Variants in DYRK1A observed in about 807,000 individuals in gnomAD.
The protein encoded by DYRK1A is dual specificity tyrosine phosphorylation regulated kinase 1A, also known as dual specificity tyrosine-phosphorylation-regulated kinase 1A.
In DYRK1A, 9 loss-of-function variants were observed where a neutral mutation model predicts 79.7. The observed-to-expected ratio is 0.11, with a 90% CI of 0.07 to 0.20. DYRK1A has a LOEUF of 0.20. DYRK1A is among the 10% of genes least tolerant of loss of function. The pLI is 1.00. For missense variants in DYRK1A, 622 were observed against 956.0 expected, an observed-to-expected ratio of 0.65 and a Z score of 4.61; for synonymous variants, 349 against 329.7, an observed-to-expected ratio of 1.06 and a Z score of -0.63.
intron 2 of DYRK1A, chr21:37,456,020 T>G (rs2835753): frequency 0.88 from 134,475 of 152,224 alleles, 59,650 homozygotes; most frequent in East Asian, 1. Context: ...CTTTTATCTG[T>G]CACCCTCTTA....
At chr21:37,427,148 T>C (rs1029617178) in intron 2 of DYRK1A, among the ~76,000 whole-genome samples, 8 of 152,232 alleles carry the variant, frequency 5.3e-5, no homozygotes, top group Non-Finnish European at 1.0e-4. Flanking sequence ...CTTGCTGTGT[T>C]GCCTAAGCTG....
In DYRK1A at chr21:37,512,433, A is replaced by G. The variant is rs929033742; in HGVS notation, c.2167A>G (p.Met723Val). ...FSANTGPAHYMTEGHLTMRQG... is the reference protein window; with the variant it reads ...FSANTGPAHYVTEGHLTMRQG... ...TGCTAATACAGGTCCTGCACATTAC[A>G]TGACTGAAGGACATCTGACAATGAG... Residue 723 changes from methionine (M) to valine (V), a missense_variant, in exon 12 of 12, where the codon ATG becomes GTG. Physicochemically the swap from Met to Val is conservative, Grantham distance 21. This residue lies in a region of DYRK1A where 292 missense variants were observed against 316.7 expected (regional missense o/e 0.92). Coordinates refer to ENST00000647188, the MANE Select transcript of DYRK1A (RefSeq NM_001347721.2). 2.5e-6 allele frequency: 4 copies of G among 1,614,124 alleles called. No homozygotes were observed. Among genetic ancestry groups the G allele is most frequent in the African/African-American group, 2.7e-5 (2 of 74,936 alleles).
chr21:37,465,174 C>T (rs1349559282), intron 2 of DYRK1A, among the ~76,000 whole-genome samples: 1 of 152,162 alleles, frequency 6.6e-6, no homozygotes, highest in Non-Finnish European at 1.5e-5. Context: ...CTGATAATGT[C>T]ACTAACTAGT....
chr21:37,510,357 A>T (rs2053715186), intron 11 of DYRK1A, among the ~76,000 whole-genome samples: 1 of 152,234 alleles, frequency 6.6e-6, no homozygotes, highest in South Asian at 2.1e-4. Context: ...ATCTCTTAAA[A>T]GTTTGGTTCT....
chr21:37,392,474 A>C (rs2049888886), intron 1 of DYRK1A, among the ~76,000 whole-genome samples: 1 of 152,256 alleles, frequency 6.6e-6, no homozygotes, highest in South Asian at 2.1e-4. Flanking sequence ...TATAAAAAAT[A>C]GAATTTATTT....
chr21:37,427,895 G>A (rs570260970), intron 2 of DYRK1A, among the ~76,000 whole-genome samples: 3 of 152,032 alleles, frequency 2.0e-5, no homozygotes, highest in Admixed American at 6.5e-5. Context: ...TTTTTTGTGA[G>A]TTTCCTTTTA....
intron 1 of DYRK1A, chr21:37,410,514 A>G (rs555850884): frequency 6.6e-6 from 1 of 152,250 alleles, no homozygotes; most frequent in South Asian, 2.1e-4. Flanking sequence ...TATTTCTAGA[A>G]CTTTATTCCC....
At chr21:37,424,549 CAT>C (rs2148437221) in intron 2 of DYRK1A, among the ~76,000 whole-genome samples, 1 of 152,214 alleles carries the variant, frequency 6.6e-6, no homozygotes, top group African/African-American at 2.4e-5. Context: ...TGTTGACTAA[CAT>C]ATCATAAATG....
intron 1 of DYRK1A, among the ~76,000 whole-genome samples, chr21:37,401,231 A>G (rs2050046802): frequency 1.3e-5 from 2 of 152,200 alleles, no homozygotes; most frequent in African/African-American, 4.8e-5. Context: ...CTGGTCTAAT[A>G]TAGCCCATTG....
chr21:37,488,216 T>A (rs1028409353), intron 6 of DYRK1A: 2 of 319,582 alleles, frequency 6.3e-6, no homozygotes, highest in Non-Finnish European at 9.0e-6. Flanking sequence ...AGATACTCTT[T>A]GGATGAGTTT....
chr21:37,438,457 A>G (rs2050990688), intron 2 of DYRK1A, among the ~76,000 whole-genome samples: 1 of 152,074 alleles, frequency 6.6e-6, no homozygotes. Context: ...TTTAGGTTTT[A>G]TATTTAAGTC....
At chr21:37,417,438 C>T (rs907994381) in intron 1 of DYRK1A, among the ~76,000 whole-genome samples, 1 of 151,758 alleles carries the variant, frequency 6.6e-6, no homozygotes, top group African/African-American at 2.4e-5. Flanking sequence ...AGGTGATACG[C>T]CCACCTCGGC....
intron 5 of DYRK1A, among the ~76,000 whole-genome samples, chr21:37,482,387 G>A (rs1313490725): frequency 2.0e-5 from 3 of 152,138 alleles, no homozygotes; most frequent in Non-Finnish European, 2.9e-5. Context: ...GACATCACAT[G>A]TCGGTAGGTT....
intron 11 of DYRK1A, among the ~76,000 whole-genome samples, chr21:37,506,558 A>G (rs931506228): frequency 6.6e-6 from 1 of 152,222 alleles, no homozygotes; most frequent in Non-Finnish European, 1.5e-5. Flanking sequence ...TGGGCTAAGT[A>G]AATTTCCCTG....
intron 1 of DYRK1A, among the ~76,000 whole-genome samples, chr21:37,394,414 C>T (rs1322676895): frequency 6.6e-6 from 1 of 151,980 alleles, no homozygotes; most frequent in Non-Finnish European, 1.5e-5. Context: ...CATCTTGATA[C>T]GGATCATAAA....
chr21:37,457,801 C>G (rs1457224155), intron 2 of DYRK1A, among the ~76,000 whole-genome samples: 2 of 151,946 alleles, frequency 1.3e-5, no homozygotes, highest in East Asian at 1.9e-4. Flanking sequence ...TGCTTCTCCC[C>G]TTTTCTCCCT....
At chr21:37,368,791 G>T (rs185752920) in intron 1 of DYRK1A, among the ~76,000 whole-genome samples, 9 of 152,298 alleles carry the variant, frequency 5.9e-5, no homozygotes, top group Admixed American at 5.2e-4. Context: ...TCATTAGGGT[G>T]TAACTCATTA....
chr21:37,370,939 C>T (rs561706729), intron 1 of DYRK1A, among the ~76,000 whole-genome samples: 1 of 152,180 alleles, frequency 6.6e-6, no homozygotes, highest in East Asian at 1.9e-4. Flanking sequence ...GTGGTTTTGC[C>T]TTTTAAAAGA....
intron 2 of DYRK1A, among the ~76,000 whole-genome samples, chr21:37,427,817 CAATATT>C (rs529171166): frequency 6.9e-4 from 105 of 152,242 alleles, no homozygotes; most frequent in African/African-American, 2.5e-3. Flanking sequence ...AAACATAACT[CAATATT>C]TACATTTACA....
Sources: allele counts gnomAD v4.1 joint callset (sites outside exome capture counted in the v4.1 genomes callset), GRCh38; gene constraint gnomAD v4.1.1; regional missense constraint gnomAD v4.1.1; transcripts MANE v1.5; gene names NCBI Gene and HGNC (gene_info 2026-07-23, HGNC 2026-07-21).